NTM: variants seen among roughly 807,000 people sequenced by gnomAD.
NTM encodes neurotrimin, also known as IgLON family member 2.
A neutral mutation model predicts 42.1 loss-of-function variants in NTM; 13 were observed. That is an observed-to-expected ratio of 0.31 (90% CI 0.20 to 0.49). The LOEUF is 0.49. Among genes scored for constraint, NTM ranks in the 20% least tolerant of loss-of-function variants. The pLI, the probability that NTM is intolerant of heterozygous loss-of-function variation, is 0.99. For synonymous variants in NTM, 187 were observed against 179.2 expected (o/e 1.04, Z -0.35); for missense variants, 373 against 452.8 (o/e 0.82, Z 1.60).
intron 1 of NTM, among the ~76,000 whole-genome samples, chr11:131,530,645 C>G (rs1182540804): frequency 4.6e-5 from 7 of 152,140 alleles, no homozygotes; most frequent in Admixed American, 1.3e-4. Context: ...AGCCTCAGCT[C>G]ATGTGGGGCA....
chr11:131,911,428 G>GA, intron 1 of NTM, 136 bp from the exon 2 acceptor site: 2 of 1,610,254 alleles, frequency 1.2e-6, no homozygotes, highest in Non-Finnish European at 1.7e-6. Flanking sequence ...GTGCTCGCCC[G>GA]GGGGGCGTGT....
chr11:131,438,676 A>G (rs145688520), intron 1 of NTM, among the ~76,000 whole-genome samples: 14 of 152,254 alleles, frequency 9.2e-5, no homozygotes, highest in Non-Finnish European at 2.1e-4. Context: ...GTAGTTAGCC[A>G]TTCGTCTAAT....
intron 4 of NTM, among the ~76,000 whole-genome samples, chr11:132,233,758 C>T (rs976279498): frequency 2.0e-5 from 3 of 152,210 alleles, no homozygotes; most frequent in African/African-American, 7.2e-5. Flanking sequence ...AATCCCTGCA[C>T]TGCATGAACA....
chr11:131,593,686 G>T (rs1348589612), intron 1 of NTM, among the ~76,000 whole-genome samples: 1 of 152,248 alleles, frequency 6.6e-6, no homozygotes, highest in Non-Finnish European at 1.5e-5. Context: ...GGGCAAAGCT[G>T]AGATTTAAAA....
chr11:131,789,690 C>T (rs1023662938), intron 1 of NTM, among the ~76,000 whole-genome samples: 5 of 150,322 alleles, frequency 3.3e-5, no homozygotes, highest in African/African-American at 1.2e-4. Flanking sequence ...GGGGCGGTGG[C>T]TCTCGCCTGT....
intron 2 of NTM, among the ~76,000 whole-genome samples, chr11:132,096,573 C>T (rs183331139): frequency 2.8e-4 from 43 of 152,272 alleles, no homozygotes; most frequent in African/African-American, 8.9e-4. Context: ...TAACTCCCCC[C>T]GCCCTCTAGG....
At chr11:131,587,148 C>T (rs890929358) in intron 1 of NTM, among the ~76,000 whole-genome samples, 3 of 152,142 alleles carry the variant, frequency 2.0e-5, no homozygotes, top group Non-Finnish European at 4.4e-5. Context: ...CTCCATTTTA[C>T]AGATAAGGTA....
intron 2 of NTM, among the ~76,000 whole-genome samples, chr11:131,993,891 T>A (rs1463552672): frequency 1.3e-5 from 2 of 151,510 alleles, no homozygotes; most frequent in African/African-American, 4.9e-5. Flanking sequence ...TAATCCCAGC[T>A]ACTCAGGAGG....
chr11:131,384,182 A>G (rs1943032090), intron 1 of NTM, among the ~76,000 whole-genome samples: 2 of 152,154 alleles, frequency 1.3e-5, no homozygotes, highest in South Asian at 4.1e-4. Context: ...GACAGTCTTC[A>G]ACACAGATAC....
intron 2 of NTM, among the ~76,000 whole-genome samples, chr11:131,927,030 G>C (rs979761432): frequency 1.5e-4 from 23 of 152,282 alleles, no homozygotes; most frequent in Admixed American, 7.8e-4. Flanking sequence ...AAGTAGGCAC[G>C]TATTTGGAAT....
chr11:132,168,126 C>A (rs2075567638), intron 3 of NTM, among the ~76,000 whole-genome samples: 1 of 152,152 alleles, frequency 6.6e-6, no homozygotes, highest in African/African-American at 2.4e-5. Flanking sequence ...ATTGGCATTC[C>A]TACTAAGTGC....
At chr11:131,724,619 G>A (rs913292587) in intron 1 of NTM, among the ~76,000 whole-genome samples, 1 of 152,210 alleles carries the variant, frequency 6.6e-6, no homozygotes, top group East Asian at 1.9e-4. Flanking sequence ...GCCCACTACA[G>A]GTCTTGGATT....
At chr11:131,995,679 C>G (rs1444251792) in intron 2 of NTM, among the ~76,000 whole-genome samples, 2 of 152,036 alleles carry the variant, frequency 1.3e-5, no homozygotes, top group Non-Finnish European at 2.9e-5. Context: ...GGGGTTTGGT[C>G]TAGGTCCTGT....
chr11:131,482,893 A>G (rs1198488407), intron 1 of NTM, among the ~76,000 whole-genome samples: 2 of 152,204 alleles, frequency 1.3e-5, no homozygotes, highest in Non-Finnish European at 2.9e-5. Flanking sequence ...GGAGTCGAGC[A>G]TGGGTCCTGG....
intron 1 of NTM, among the ~76,000 whole-genome samples, chr11:131,413,571 T>A (rs780427643): frequency 2.2e-4 from 33 of 152,196 alleles, no homozygotes; most frequent in Non-Finnish European, 4.3e-4. Flanking sequence ...TCTCCCCAAG[T>A]GGGAATCTTT....
Position 132,106,414 on chromosome 11 carries a change from G to T in NTM, c.168-39868G>T, listed in dbSNP as rs535330905. Among the ~76,000 whole-genome samples, 3 of 152,334 alleles carry T rather than the reference G, an allele frequency of 2.0e-5. No homozygotes were observed. In the East Asian group the frequency reaches 5.8e-4, roughly 29 times the overall value. On this transcript the variant is annotated intron_variant, in intron 2 of 8. Coordinates refer to ENST00000683400, the MANE Select transcript of NTM (RefSeq NM_001352005.2). ...CTTTATCTGGGAAAGGGGCAGCTTG[G>T]TCGGTGCCAAGGAGATTTGAGCCAT...
At chr11:131,765,321 T>G (rs1265788381) in intron 1 of NTM, among the ~76,000 whole-genome samples, 2 of 152,166 alleles carry the variant, frequency 1.3e-5, no homozygotes, top group Non-Finnish European at 2.9e-5. Flanking sequence ...ATTTGACTTC[T>G]GCATATCAAA....
chr11:132,056,037 A>G (rs1374171498), intron 2 of NTM, among the ~76,000 whole-genome samples: 1 of 152,248 alleles, frequency 6.6e-6, no homozygotes, highest in African/African-American at 2.4e-5. Flanking sequence ...GTAGAAAAGT[A>G]TGAGGTGTGG....
intron 3 of NTM, among the ~76,000 whole-genome samples, chr11:132,166,724 C>T (rs1307541139): frequency 6.6e-6 from 1 of 152,202 alleles, no homozygotes; most frequent in Non-Finnish European, 1.5e-5. Context: ...GCACATTCCT[C>T]CACAGTTCCT....
Sources: gnomAD v4.1 joint callset for allele counts (sites outside exome capture counted in the v4.1 genomes callset) on GRCh38, gnomAD v4.1.1 for gene constraint, MANE v1.5 for transcripts, NCBI Gene and HGNC (gene_info 2026-07-23, HGNC 2026-07-21) for gene names.